The following DNAAF9 variants were observed in gnomAD, a reference collection of about 807,000 sequenced individuals.
The protein encoded by DNAAF9 is shulin.
Under a neutral mutation model 167.0 loss-of-function variants are expected in DNAAF9, and 90 were observed. The ratio of observed to expected loss-of-function variants is 0.54; its 90% CI spans 0.45 to 0.64. DNAAF9 has a LOEUF of 0.64. Among genes scored for constraint, DNAAF9 ranks in the 30% least tolerant of loss-of-function variants. The pLI is 0.00. For missense variants in DNAAF9, 1,315 were observed against 1,442.2 expected (o/e 0.91, Z 1.43); for synonymous variants, 491 against 508.8 (o/e 0.96, Z 0.47).
intron 29 of DNAAF9, among the ~76,000 whole-genome samples, chr20:3,277,247 T>G (rs1366511768): frequency 6.6e-6 from 1 of 152,170 alleles, no homozygotes; most frequent in African/African-American, 2.4e-5. Flanking sequence ...ACAGAGCCAG[T>G]GGGCTTTTCT....
chr20:3,268,335 C>T (rs1791938972), intron 30 of DNAAF9, among the ~76,000 whole-genome samples: 1 of 145,582 alleles, frequency 6.9e-6, no homozygotes, highest in Admixed American at 6.9e-5. Context: ...GTGCCCGGCC[C>T]CTTTTTTTTT....
At position 3,349,212 on chromosome 20, in the gene DNAAF9, A is replaced by C. The variant is rs1003628066; in HGVS notation, c.691-589T>G. On this transcript the variant is annotated intron_variant, in intron 7 of 36. Transcript: ENST00000252032. ...TCTACCAAAAAAAAAAACAAAAAAA[A>C]AAAAAACACCATGAAAAAAACGAGC... Among the ~76,000 whole-genome samples, 5 of 150,574 alleles carry C rather than the reference A, an allele frequency of 3.3e-5. 1 individual carries two copies. Among genetic ancestry groups the C allele is most frequent in the African/African-American group, 7.3e-5 (3 of 40,976 alleles).
intron 23 of DNAAF9, chr20:3,296,567 G>T: frequency 2.7e-6 from 1 of 376,250 alleles, no homozygotes; most frequent in East Asian, 5.0e-5. Flanking sequence ...TGTAGGGACG[G>T]GGTCTCACTA....
At chr20:3,339,005 C>T (rs891673095) in intron 10 of DNAAF9, among the ~76,000 whole-genome samples, 18 of 152,104 alleles carry the variant, frequency 1.2e-4, no homozygotes, top group Admixed American at 8.5e-4. Context: ...CTTCACACTC[C>T]TGTTCGGGAA....
In DNAAF9 at chr20:3,372,214, G is replaced by A. The variant is rs539790477; in HGVS notation, c.612+1834C>T. The stretch of plus-strand genomic sequence containing the variant: ...CCTTTCTGGCTCAGGCAGTCATCAG[G>A]CCATCAGAGTGGAGTAGAGAGGGCA... On this transcript the variant is annotated intron_variant, in intron 6 of 36. Coordinates refer to ENST00000252032, the MANE Select transcript of DNAAF9 (RefSeq NM_001009984.3). Among the ~76,000 whole-genome samples the A allele has an allele frequency of 4.6e-5, 7 of 152,336 alleles. No homozygotes were observed. The South Asian group carries it at 1.0e-3, about 23-fold the overall frequency.
chr20:3,406,757 T>C (rs1189368526), intron 1 of DNAAF9, among the ~76,000 whole-genome samples: 1 of 152,188 alleles, frequency 6.6e-6, no homozygotes, highest in Non-Finnish European at 1.5e-5. Flanking sequence ...CTCTTTCCCC[T>C]ATTTATCCAG....
chr20:3,285,178 T>C (rs1257255446), intron 27 of DNAAF9, among the ~76,000 whole-genome samples: 1 of 152,182 alleles, frequency 6.6e-6, no homozygotes, highest in Non-Finnish European at 1.5e-5. Context: ...CTAAATTGAG[T>C]GGCATCAGGC....
intron 13 of DNAAF9, 128 bp from the exon 14 acceptor site, chr20:3,325,096 A>G (rs2069687193): frequency 4.4e-6 from 3 of 685,426 alleles, no homozygotes; most frequent in East Asian, 2.5e-5. Context: ...CTTCCCATCT[A>G]TGTGACTACT....
At chr20:3,328,374 G>C (rs1269852373) in intron 12 of DNAAF9, among the ~76,000 whole-genome samples, 1 of 152,056 alleles carries the variant, frequency 6.6e-6, no homozygotes, top group Non-Finnish European at 1.5e-5. Flanking sequence ...TAGAGGCGGG[G>C]TTTCACCATC....
chr20:3,372,732 T>A (rs1234406527), intron 6 of DNAAF9, among the ~76,000 whole-genome samples: 1 of 152,154 alleles, frequency 6.6e-6, no homozygotes, highest in East Asian at 1.9e-4. Context: ...TCTCACTAGC[T>A]CTGTGAAACT....
chr20:3,280,245 CA>C (rs1313542475), intron 28 of DNAAF9, among the ~76,000 whole-genome samples: 2 of 152,116 alleles, frequency 1.3e-5, no homozygotes, highest in Non-Finnish European at 2.9e-5. Flanking sequence ...AGAAGGCTGC[CA>C]CACAGTAAGC....
At chr20:3,268,115 G>A (rs1419890120) in intron 30 of DNAAF9, among the ~76,000 whole-genome samples, 4 of 149,470 alleles carry the variant, frequency 2.7e-5, no homozygotes, top group African/African-American at 7.4e-5. Context: ...TGCAACCTCC[G>A]CCTCCCAGGT....
intron 9 of DNAAF9, 76 bp from the exon 10 acceptor site, chr20:3,340,715 C>T (rs1431488661): frequency 2.8e-6 from 4 of 1,407,364 alleles, no homozygotes; most frequent in Non-Finnish European, 2.0e-6. Context: ...CTTAATAAGT[C>T]CTCAGGCTTT....
At chr20:3,282,823 A>G (rs2068785235) in intron 27 of DNAAF9, among the ~76,000 whole-genome samples, 1 of 152,044 alleles carries the variant, frequency 6.6e-6, no homozygotes, top group African/African-American at 2.4e-5. Context: ...CTCTCCCTTC[A>G]GGTCTCTGCT....
At position 3,407,483 on chromosome 20, in the gene DNAAF9, G is replaced by C. The variant is rs930839892; in HGVS notation, c.75C>G (p.Pro25=). 15 of 1,304,666 alleles carry C rather than the reference G, an allele frequency of 1.1e-5. No individual in the cohort carries two copies. Among genetic ancestry groups the C allele is most frequent in the Non-Finnish European group, 1.5e-5 (15 of 1,029,216 alleles). 80.8% of individuals were successfully genotyped at this position (1,304,666 alleles called of 1,614,324 possible). Residue 25 remains proline (P), a synonymous_variant, in exon 1 of 37, where the codon CCC becomes CCG. Coordinates refer to ENST00000252032, the MANE Select transcript of DNAAF9 (RefSeq NM_001009984.3). The part of the protein sequence containing the change: ...RSPGGSSRGS[P]SVSCSRLRQV... ...GCCTCTGCCCCGCGTACCTGACGGAGGGTGACCCGCGGCTGGAGCCGCCAG... is the reference window on the plus strand; with the variant it reads ...GCCTCTGCCCCGCGTACCTGACGGACGGTGACCCGCGGCTGGAGCCGCCAG...
chr20:3,375,720 T>A (rs1010873147), intron 4 of DNAAF9, among the ~76,000 whole-genome samples: 1 of 151,868 alleles, frequency 6.6e-6, no homozygotes, highest in African/African-American at 2.4e-5. Flanking sequence ...ATTAGCCAGG[T>A]GCCTGTTGTC....
chr20:3,307,650 C>T (rs1220872764), intron 20 of DNAAF9, among the ~76,000 whole-genome samples: 1 of 151,962 alleles, frequency 6.6e-6, no homozygotes, highest in Non-Finnish European at 1.5e-5. Flanking sequence ...TCTGAAAACC[C>T]AGGATAAGAG....
intron 21 of DNAAF9, among the ~76,000 whole-genome samples, chr20:3,303,564 A>G (rs1255282858): frequency 6.6e-6 from 1 of 152,206 alleles, no homozygotes; most frequent in Non-Finnish European, 1.5e-5. Context: ...TAATAGGGCC[A>G]TCCAATGTGT....
At chr20:3,288,240 G>A (rs1368233301) in intron 26 of DNAAF9, among the ~76,000 whole-genome samples, 4 of 152,156 alleles carry the variant, frequency 2.6e-5, no homozygotes, top group African/African-American at 9.7e-5. Flanking sequence ...ACCTGAAGTC[G>A]GGAGGTTCAA....
Sources: allele counts gnomAD v4.1 joint callset (sites outside exome capture counted in the v4.1 genomes callset), GRCh38; gene constraint gnomAD v4.1.1; transcripts MANE v1.5; gene names NCBI Gene and HGNC (gene_info 2026-07-23, HGNC 2026-07-21).